Variants in PCDHGB6 observed in about 807,000 individuals in gnomAD.
PCDHGB6 encodes the protein protocadherin gamma subfamily B, 6, also known as protocadherin gamma-B6.
PCDHGB6 carries 51 observed loss-of-function variants against 59.1 expected under a neutral mutation model. The ratio of observed to expected loss-of-function variants is 0.86; its 90% CI spans 0.69 to 1.09. The LOEUF (loss-of-function observed/expected upper bound fraction) is 1.09, where lower values mean the gene tolerates loss of function less well. Among genes scored for constraint, PCDHGB6 ranks in the 50% least tolerant of loss-of-function variants. The pLI, the probability that PCDHGB6 is intolerant of heterozygous loss-of-function variation, is 0.00. For synonymous variants in PCDHGB6, 466 were observed against 495.1 expected, an observed-to-expected ratio of 0.94 and a Z score of 0.78; for missense variants, 1,148 against 1,205.1, an observed-to-expected ratio of 0.95 and a Z score of 0.70.
Position 141,490,637 on chromosome 5 carries a change from A to C in PCDHGB6, c.2419-4170A>C. ...CTTTACACTGCTTACATCCTAGAAA[A>C]CCGGCCTCCGGGCTCCCTTCTTTGC... is the stretch of plus-strand genomic sequence containing the variant. On this transcript the variant is annotated intron_variant, in intron 1 of 3. Coordinates refer to ENST00000520790, the MANE Select transcript of PCDHGB6 (RefSeq NM_018926.3). This position sits in a 1 kb window ranked among gnomAD's most constrained non-coding sequence, Gnocchi z 5.4. 1 of 1,614,108 alleles carries C rather than the reference A, an allele frequency of 6.2e-7. No individual in the cohort carries two copies. Among genetic ancestry groups the C allele is most frequent in the Non-Finnish European group, 8.5e-7 (1 of 1,179,992 alleles).
chr5:141,494,316 G>T (rs2099753509), intron 1 of PCDHGB6, among the ~76,000 whole-genome samples: 1 of 152,172 alleles, frequency 6.6e-6, no homozygotes, highest in Admixed American at 6.5e-5. Flanking sequence ...TGCACAACCT[G>T]GCACCAAAAG....
At chr5:141,415,182 C>A (rs2095840318) in intron 1 of PCDHGB6, 1 of 1,613,842 alleles carries the variant, frequency 6.2e-7, no homozygotes, top group Admixed American at 1.7e-5. Flanking sequence ...TGGCCGTGGC[C>A]GACAGCATCC....
At position 141,432,950 on chromosome 5, in the gene PCDHGB6, G is replaced by A. The variant is rs750033444; in HGVS notation, c.2418+22330G>A. 9.9e-6 allele frequency: 16 copies of A among 1,614,190 alleles called. No individual in the cohort carries two copies. The highest frequency in any genetic ancestry group is 1.3e-5 in the African/African-American group (1 of 75,060). ...ACGCCTGCTGCAGGCTTCAGGAGGC[G>A]GCTTGACAGGAGCGCCGGCGTCGCA... is the stretch of plus-strand genomic sequence containing the variant. On this transcript the variant is annotated intron_variant, in intron 1 of 3. Coordinates refer to ENST00000520790, the MANE Select transcript of PCDHGB6 (RefSeq NM_018926.3). This position sits in a 1 kb window ranked among gnomAD's most constrained non-coding sequence, Gnocchi z 6.0.
intron 3 of PCDHGB6, among the ~76,000 whole-genome samples, chr5:141,508,975 G>T (rs1360718244): frequency 2.6e-5 from 4 of 152,148 alleles, no homozygotes; most frequent in African/African-American, 7.2e-5. Context: ...AAGGGCTGGG[G>T]GTGGGGGCCA....
chr5:141,424,383 T>C (rs2096817494), intron 1 of PCDHGB6: 2 of 152,238 alleles, frequency 1.3e-5, no homozygotes, highest in Non-Finnish European at 2.9e-5. Context: ...AAGCTCTAGA[T>C]GTCTTTTCCA....
rs558972594 is a variant in PCDHGB6 at position 141,485,292 on chromosome 5, A to G, written c.2419-9515A>G. ...CGCTACCCGGTCCCAGAGGAGTCAC[A>G]GGAAGGGACTTTTGTAGGGAATGTC... On this transcript the variant is annotated intron_variant, in intron 1 of 3. Coordinates refer to ENST00000520790, the MANE Select transcript of PCDHGB6 (RefSeq NM_018926.3). The surrounding 1 kb of genome is among the most constrained non-coding windows in gnomAD (Gnocchi z 5.7). 1 of 1,614,120 alleles carries G rather than the reference A, an allele frequency of 6.2e-7. No individual in the cohort carries two copies. Among genetic ancestry groups the G allele is most frequent in the African/African-American group, 1.3e-5 (1 of 75,058 alleles).
intron 1 of PCDHGB6, among the ~76,000 whole-genome samples, chr5:141,445,277 A>G (rs769047096): frequency 6.6e-6 from 1 of 152,256 alleles, no homozygotes; most frequent in African/African-American, 2.4e-5. Flanking sequence ...ACCACTCTGC[A>G]TAAGTTCAGG....
intron 3 of PCDHGB6, among the ~76,000 whole-genome samples, chr5:141,509,636 C>T (rs1199892148): frequency 6.6e-6 from 1 of 152,164 alleles, no homozygotes; most frequent in Non-Finnish European, 1.5e-5. Context: ...TGATGCTGAG[C>T]CAGGGCCAGA....
chr5:141,419,300 T>G (rs2096356436), intron 1 of PCDHGB6: 3 of 1,613,998 alleles, frequency 1.9e-6, no homozygotes, highest in Non-Finnish European at 2.5e-6. Context: ...TGACCCAGAC[T>G]TCGGGCTCAA....
intron 1 of PCDHGB6, among the ~76,000 whole-genome samples, chr5:141,462,027 TG>T (rs1239347302): frequency 6.6e-6 from 1 of 152,220 alleles, no homozygotes; most frequent in African/African-American, 2.4e-5. Flanking sequence ...TTCTTCATGT[TG>T]GTCAGGCGGG....
intron 1 of PCDHGB6, chr5:141,414,963 G>T (rs2095808106): frequency 1.1e-5 from 17 of 1,614,006 alleles, no homozygotes; most frequent in Non-Finnish European, 1.4e-5. Context: ...CCAAGGTGGT[G>T]GCGGTGGACA....
At chr5:141,446,766 C>T (rs1335326278) in intron 1 of PCDHGB6, among the ~76,000 whole-genome samples, 7 of 152,208 alleles carry the variant, frequency 4.6e-5, no homozygotes, top group East Asian at 3.9e-4. Context: ...CGCGCCCAGC[C>T]GGTTACCATT....
rs537334679 is a variant in PCDHGB6 at position 141,413,479 on chromosome 5, C to G, written c.2418+2859C>G. ...GATAGACCGGGAGGAGCTCTGCGCTCAGAGCGCGCGGTGCGTGGTGAGTTT... is the reference window on the plus strand; with the variant it reads ...GATAGACCGGGAGGAGCTCTGCGCTGAGAGCGCGCGGTGCGTGGTGAGTTT... On this transcript the variant is annotated intron_variant, in intron 1 of 3. Coordinates refer to ENST00000520790, the MANE Select transcript of PCDHGB6 (RefSeq NM_018926.3). 4.3e-6 allele frequency: 7 copies of G among 1,614,084 alleles called. No individual in the cohort carries two copies. In the African/African-American group the frequency reaches 6.7e-5, roughly 15 times the overall value.
chr5:141,434,938 A>G (rs938787407), intron 1 of PCDHGB6, among the ~76,000 whole-genome samples: 2 of 151,738 alleles, frequency 1.3e-5, no homozygotes, highest in Admixed American at 1.3e-4. Flanking sequence ...TATATAATAG[A>G]TATAATTTAT....
chr5:141,485,431 C>G lies in PCDHGB6; in HGVS notation c.2419-9376C>G, dbSNP rs1594481071. ...ATTTGGACAGCGGAGCCCTGCTCAT[C>G]AAGAACCCAATCGACCGAGAGGCAC... On this transcript the variant is annotated intron_variant, in intron 1 of 3. Coordinates refer to ENST00000520790, the MANE Select transcript of PCDHGB6 (RefSeq NM_018926.3). The surrounding 1 kb of genome is among the most constrained non-coding windows in gnomAD (Gnocchi z 5.7). 8.7e-6 allele frequency: 14 copies of G among 1,614,198 alleles called. No homozygotes were observed. Among genetic ancestry groups the G allele is most frequent in the Non-Finnish European group, 1.1e-5 (13 of 1,180,038 alleles).
intron 1 of PCDHGB6, chr5:141,412,746 C>T (rs2095574250): frequency 6.5e-6 from 1 of 154,106 alleles, no homozygotes; most frequent in Non-Finnish European, 1.4e-5. Context: ...ATATATTTAA[C>T]CAAACATTAT....
chr5:141,443,244 G>A (rs1277982376), intron 1 of PCDHGB6, among the ~76,000 whole-genome samples: 4 of 151,542 alleles, frequency 2.6e-5, no homozygotes, highest in African/African-American at 9.7e-5. Flanking sequence ...ACTTTGGGGC[G>A]CCAAGGCGGG....
chr5:141,484,096 G>A (rs539388257), intron 1 of PCDHGB6, among the ~76,000 whole-genome samples: 1 of 152,126 alleles, frequency 6.6e-6, no homozygotes, highest in South Asian at 2.1e-4. Flanking sequence ...GTCTTCGTTG[G>A]TAATTAACAA....
intron 1 of PCDHGB6, among the ~76,000 whole-genome samples, chr5:141,482,447 T>C (rs2099560010): frequency 6.7e-6 from 1 of 149,882 alleles, no homozygotes; most frequent in East Asian, 1.9e-4. Flanking sequence ...ATTCACCATT[T>C]ATTAGCATCC....
Sources: allele counts gnomAD v4.1 joint callset (sites outside exome capture counted in the v4.1 genomes callset), GRCh38; gene constraint gnomAD v4.1.1; non-coding constraint Gnocchi (gnomAD v3.1); transcripts MANE v1.5; gene names NCBI Gene and HGNC (gene_info 2026-07-23, HGNC 2026-07-21).